Variants in IL1RAPL2 observed in about 807,000 individuals in gnomAD.
IL1RAPL2 encodes X-linked interleukin-1 receptor accessory protein-like 2.
IL1RAPL2 carries 3 observed loss-of-function variants against 44.1 expected under a neutral mutation model. The observed-to-expected ratio is 0.07, with a 90% CI of 0.03 to 0.18. The LOEUF (loss-of-function observed/expected upper bound fraction) is 0.18. IL1RAPL2 is among the 10% of genes least tolerant of loss of function. The pLI is 1.00. For missense variants in IL1RAPL2, 391 were observed against 496.4 expected (o/e 0.79, Z 2.02); for synonymous variants, 181 against 178.8 (o/e 1.01, Z -0.10).
chrX:104,928,823 G>C (rs778049143), intron 2 of IL1RAPL2, among the ~76,000 whole-genome samples: 1 of 111,285 alleles, frequency 9.0e-6, no homozygotes, highest in Admixed American at 9.6e-5. Context: ...GGGCTTCTTT[G>C]TGTGGGTTTG....
chrX:105,564,813 A>T (rs2036963177), intron 6 of IL1RAPL2, among the ~76,000 whole-genome samples: 1 of 111,966 alleles, frequency 8.9e-6, no homozygotes, highest in South Asian at 3.7e-4. Flanking sequence ...CTCTCACCCC[A>T]TGCCTGCTCT....
chrX:105,200,256 G>A (rs1452155068), intron 3 of IL1RAPL2, among the ~76,000 whole-genome samples: 11 of 112,298 alleles, frequency 9.8e-5, no homozygotes, highest in Admixed American at 2.8e-4. Context: ...CCACCCATGT[G>A]AATGACAGCA....
At chrX:105,329,254 G>C (rs1378701627) in intron 5 of IL1RAPL2, among the ~76,000 whole-genome samples, 1 of 111,701 alleles carries the variant, frequency 9.0e-6, no homozygotes, top group African/African-American at 3.2e-5. Context: ...GATGCATAGT[G>C]TTAAATACAA....
intron 6 of IL1RAPL2, among the ~76,000 whole-genome samples, chrX:105,710,637 T>C (rs1246477920): frequency 9.1e-6 from 1 of 110,337 alleles, no homozygotes; most frequent in Non-Finnish European, 1.9e-5. Context: ...CTTCTTTTTT[T>C]TAGTAGATTA....
rs144808070 is a variant in IL1RAPL2 at position 104,893,772 on chromosome X, T to G, written c.82+234777T>G. On this transcript the variant is annotated intron_variant, in intron 2 of 10. Coordinates refer to ENST00000372582, the MANE Select transcript of IL1RAPL2 (RefSeq NM_017416.2). ...CAGTCTGTGTCTTTTAATGGGAGCATTTAGCCCATTTACGTTTAAGGTTAA... is the reference window on the plus strand; with the variant it reads ...CAGTCTGTGTCTTTTAATGGGAGCAGTTAGCCCATTTACGTTTAAGGTTAA... Among the ~76,000 whole-genome samples, 194 of 111,839 alleles carry G rather than the reference T, an allele frequency of 1.7e-3. 3 individuals carry two copies. The East Asian group carries it at 0.037, about 21-fold the overall frequency.
At chrX:104,733,871 T>C (rs1362833696) in intron 2 of IL1RAPL2, among the ~76,000 whole-genome samples, 1 of 109,936 alleles carries the variant, frequency 9.1e-6, no homozygotes. Flanking sequence ...CTGGGAGAAA[T>C]ATTGGCAAAT....
chrX:105,730,967 A>G (rs930726476), intron 7 of IL1RAPL2, among the ~76,000 whole-genome samples: 4 of 111,034 alleles, frequency 3.6e-5, no homozygotes, highest in African/African-American at 1.3e-4. Context: ...AATGCACCTC[A>G]AGGAACTGGA....
At chrX:105,721,311 G>C (rs1431629599) in intron 7 of IL1RAPL2, among the ~76,000 whole-genome samples, 1 of 110,208 alleles carries the variant, frequency 9.1e-6, no homozygotes, top group Non-Finnish European at 1.9e-5. Flanking sequence ...AGCTACTCGG[G>C]AGGCTAAGAC....
chrX:105,572,818 A>C (rs1364938403), intron 6 of IL1RAPL2, among the ~76,000 whole-genome samples: 3 of 112,172 alleles, frequency 2.7e-5, no homozygotes, highest in Non-Finnish European at 5.6e-5. Flanking sequence ...TTACAAAAAA[A>C]GTGTGCTGAC....
chrX:105,401,699 T>C (rs1260340883), intron 5 of IL1RAPL2, among the ~76,000 whole-genome samples: 2 of 110,832 alleles, frequency 1.8e-5, no homozygotes, highest in Non-Finnish European at 3.8e-5. Context: ...CAGTGATTGA[T>C]TATTAGCTTT....
At chrX:104,885,441 G>A (rs1327288133) in intron 2 of IL1RAPL2, among the ~76,000 whole-genome samples, 4 of 111,569 alleles carry the variant, frequency 3.6e-5, no homozygotes, top group Admixed American at 9.5e-5. Context: ...TGCCTTCCTC[G>A]AGTGGCTATG....
chrX:104,741,760 A>T (rs1932104708), intron 2 of IL1RAPL2, among the ~76,000 whole-genome samples: 1 of 111,150 alleles, frequency 9.0e-6, no homozygotes, highest in Admixed American at 9.6e-5. Context: ...TGAAATGATA[A>T]GTTATTCAGT....
chrX:104,874,074 A>G (rs762645381), intron 2 of IL1RAPL2, among the ~76,000 whole-genome samples: 1 of 110,444 alleles, frequency 9.1e-6, no homozygotes, highest in South Asian at 4.0e-4. Context: ...GATACAGGAA[A>G]GTGAATAGCC....
intron 2 of IL1RAPL2, among the ~76,000 whole-genome samples, chrX:104,825,552 C>T (rs1036049214): frequency 8.9e-6 from 1 of 111,845 alleles, no homozygotes; most frequent in African/African-American, 3.2e-5. Context: ...TCTCCAAGTG[C>T]TCTGGAATAT....
chrX:104,732,063 A>G lies in IL1RAPL2; in HGVS notation c.82+73068A>G, dbSNP rs188175303. Among the ~76,000 whole-genome samples, 18 of 111,860 alleles carry G rather than the reference A, an allele frequency of 1.6e-4. No individual in the cohort carries two copies. In the East Asian group the frequency reaches 5.1e-3, roughly 32 times the overall value. ...AATTAAAAATACTTTGATGTAATTCATTGGTTAAGAAAATTTTATGTGGGA... is the reference window on the plus strand; with the variant it reads ...AATTAAAAATACTTTGATGTAATTCGTTGGTTAAGAAAATTTTATGTGGGA... On this transcript the variant is annotated intron_variant, in intron 2 of 10. Coordinates refer to ENST00000372582, the MANE Select transcript of IL1RAPL2 (RefSeq NM_017416.2).
chrX:105,716,070 C>T (rs2038254301), intron 6 of IL1RAPL2, among the ~76,000 whole-genome samples: 1 of 111,468 alleles, frequency 9.0e-6, no homozygotes, highest in Admixed American at 9.5e-5. Context: ...AGAAAACAAT[C>T]CCTGCTGTAG....
intron 2 of IL1RAPL2, among the ~76,000 whole-genome samples, chrX:105,022,499 G>C (rs1320940885): frequency 9.0e-6 from 1 of 111,624 alleles, no homozygotes; most frequent in Non-Finnish European, 1.9e-5. Flanking sequence ...ACCAGAAGAA[G>C]TTTAAAACTT....
chrX:104,622,596 T>C (rs1447643561), intron 1 of IL1RAPL2, among the ~76,000 whole-genome samples: 1 of 111,332 alleles, frequency 9.0e-6, no homozygotes, highest in Admixed American at 9.6e-5. Context: ...ATCTGAGCTT[T>C]TCACTTGCCT....
intron 2 of IL1RAPL2, among the ~76,000 whole-genome samples, chrX:104,733,523 G>A (rs1931960116): frequency 1.8e-5 from 2 of 109,447 alleles, no homozygotes; most frequent in South Asian, 7.8e-4. Context: ...AGGAGGCTGA[G>A]GCAGGGGAGT....
Sources: gnomAD v4.1 joint callset for allele counts (sites outside exome capture counted in the v4.1 genomes callset) on GRCh38, gnomAD v4.1.1 for gene constraint, MANE v1.5 for transcripts, NCBI Gene and HGNC (gene_info 2026-07-23, HGNC 2026-07-21) for gene names.